USH2A: variants seen among roughly 807,000 people sequenced by gnomAD.
USH2A encodes usherin, also known as Usher syndrome 2A (autosomal recessive, mild).
In USH2A, 443 loss-of-function variants were observed where a neutral mutation model predicts 538.9. The observed-to-expected ratio is 0.82, with a 90% CI of 0.76 to 0.89. USH2A has a LOEUF of 0.89. Among genes scored for constraint, USH2A ranks in the 40% least tolerant of loss-of-function variants. The pLI is 0.00. For missense variants in USH2A, 6,633 were observed against 6,324.8 expected (o/e 1.05, Z -1.65); for synonymous variants, 2,413 against 2,273.5 (o/e 1.06, Z -1.75).
chr1:216,328,449 GT>G (rs2037780346), intron 4 of USH2A, among the ~76,000 whole-genome samples: 1 of 151,916 alleles, frequency 6.6e-6, no homozygotes, highest in African/African-American at 2.4e-5. Context: ...CCGACTCCAA[GT>G]TTTTTGTTAT....
chr1:215,904,236 C>T (rs111811682), intron 38 of USH2A, among the ~76,000 whole-genome samples: 50 of 152,090 alleles, frequency 3.3e-4, no homozygotes, highest in African/African-American at 1.2e-3. Flanking sequence ...CACAAAACCC[C>T]TTATGTGTTA....
chr1:215,736,827 A>T lies in USH2A; in HGVS notation c.11711+4548T>A, dbSNP rs547158132. On this transcript the variant is annotated intron_variant, in intron 60 of 71. Coordinates refer to ENST00000307340, the MANE Select transcript of USH2A (RefSeq NM_206933.4). ...AAAATATTGAGCTGACAGATTTGGA[A>T]GACTGACCCTGTATTAAAAGATTTC... Among the ~76,000 whole-genome samples, 74 of 152,142 alleles carry T rather than the reference A, an allele frequency of 4.9e-4. 1 individual carries two copies. The highest frequency in any genetic ancestry group is 1.2e-3 in the South Asian group (6 of 4,828).
intron 49 of USH2A, among the ~76,000 whole-genome samples, chr1:215,807,167 G>C (rs1183472188): frequency 6.6e-6 from 1 of 152,136 alleles, no homozygotes; most frequent in Non-Finnish European, 1.5e-5. Flanking sequence ...ACAAGCCAAA[G>C]AATGTGAGCA....
intron 38 of USH2A, 107 bp downstream of exon 38, chr1:215,934,508 TC>T (rs1666441498): frequency 3.5e-6 from 4 of 1,156,890 alleles, no homozygotes; most frequent in Non-Finnish European, 4.9e-6. Context: ...CAATTGAGCC[TC>T]TAAGTTCTAA....
Position 215,877,884 on chromosome 1 carries a change from A to C in USH2A, c.8559-4T>G. ...TTTACGTCTCAGAAGCTCATATCTA[A>C]AGCAAAAGACAAGCAGGAACATCAG... On this transcript the variant is annotated splice_polypyrimidine_tract_variant and splice_region_variant and intron_variant, in intron 42 of 71. Transcript: ENST00000307340. 6.2e-7 allele frequency: 1 copy of C among 1,613,604 alleles called. No individual in the cohort carries two copies. Among genetic ancestry groups the C allele is most frequent in the Non-Finnish European group, 8.5e-7 (1 of 1,179,596 alleles).
In USH2A at chr1:215,674,616, C is replaced by A. The variant is rs1434537489; in HGVS notation, c.13295G>T (p.Ser4432Ile). 6.2e-7 allele frequency: 1 copy of A among 1,614,202 alleles called. No individual in the cohort carries two copies. Among genetic ancestry groups the A allele is most frequent in the Non-Finnish European group, 8.5e-7 (1 of 1,180,030 alleles). The change falls in exon 63 of 72, where the codon AGT (serine) becomes ATT (isoleucine). Residue 4432 changes from serine to isoleucine, a missense_variant. Physicochemically the swap from Ser to Ile is moderately radical, Grantham distance 142 (BLOSUM62 -2). Coordinates refer to ENST00000307340, the MANE Select transcript of USH2A (RefSeq NM_206933.4). ...VACTNGGCTA[S>I]VSKSAWTMEA... The stretch of plus-strand genomic sequence containing the variant: ...CATTGTCCAGGCAGATTTTGACACA[C>A]TAGCTGTGCAACCTCCATTCGTGCA...
At chr1:215,785,349 CT>C in intron 52 of USH2A, among the ~76,000 whole-genome samples, 1 of 152,184 alleles carries the variant, frequency 6.6e-6, no homozygotes, top group Non-Finnish European at 1.5e-5. Context: ...TTGGAGCACT[CT>C]GAAAGGAGCT....
At chr1:216,383,213 G>GA (rs1002942241) in intron 3 of USH2A, among the ~76,000 whole-genome samples, 9 of 151,306 alleles carry the variant, frequency 5.9e-5, no homozygotes, top group Non-Finnish European at 1.2e-4. Context: ...AAGGGTATAA[G>GA]AAAAAAAAAT....
At position 215,674,745 on chromosome 1, in the gene USH2A, T is replaced by TAAAGA; in HGVS notation, c.13165_13166insTCTTT (p.Tyr4389PhefsTer4). 6.2e-7 allele frequency: 1 copy of TAAAGA among 1,614,118 alleles called. No homozygotes were observed. The highest frequency in any genetic ancestry group is 1.3e-5 in the African/African-American group (1 of 75,034). ...CTCTTTATTATCATATCTAACTAAA[T>TAAAGA]ATTTAGTAATCTTTCCATTTTGCAC... On this transcript the variant is annotated frameshift_variant, in exon 63 of 72. Transcript: ENST00000307340. LOFTEE classifies it high-confidence loss of function.
intron 22 of USH2A, among the ~76,000 whole-genome samples, chr1:216,093,687 A>T (rs1355327736): frequency 6.6e-6 from 1 of 152,174 alleles, no homozygotes; most frequent in Non-Finnish European, 1.5e-5. Context: ...TTTTGGATTA[A>T]TTCTCCAATG....
At chr1:215,780,795 TGGTG>T in intron 54 of USH2A, among the ~76,000 whole-genome samples, 1 of 152,370 alleles carries the variant, frequency 6.6e-6, no homozygotes, top group South Asian at 2.1e-4. Context: ...TCTATCTAAA[TGGTG>T]GCTCACTCAG....
intron 64 of USH2A, among the ~76,000 whole-genome samples, chr1:215,663,178 A>G (rs1365777112): frequency 6.6e-6 from 1 of 152,196 alleles, no homozygotes. Flanking sequence ...ACTTGTTGAT[A>G]TAGACAAAAG....
At chr1:215,747,036 T>C (rs1465180826) in intron 58 of USH2A, among the ~76,000 whole-genome samples, 1 of 152,158 alleles carries the variant, frequency 6.6e-6, no homozygotes, top group Non-Finnish European at 1.5e-5. Context: ...AATTGTAGAG[T>C]TGAAGACTCT....
At chr1:215,683,560 A>G (rs1235854994) in intron 61 of USH2A, among the ~76,000 whole-genome samples, 1 of 152,060 alleles carries the variant, frequency 6.6e-6, no homozygotes, top group Non-Finnish European at 1.5e-5. Context: ...TAAATTTAGG[A>G]TATTTGCTTG....
chr1:215,933,646 TA>T (rs1383832324), intron 38 of USH2A, among the ~76,000 whole-genome samples: 1 of 151,974 alleles, frequency 6.6e-6, no homozygotes, highest in Non-Finnish European at 1.5e-5. Flanking sequence ...TCTCCAGTGA[TA>T]AAGCACTTTG....
intron 32 of USH2A, among the ~76,000 whole-genome samples, chr1:216,044,659 A>G (rs967517213): frequency 1.3e-5 from 2 of 152,142 alleles, no homozygotes; most frequent in South Asian, 4.1e-4. Context: ...AATGTAATTA[A>G]CACCATTTTA....
chr1:216,208,384 A>T (rs780051635), intron 15 of USH2A, among the ~76,000 whole-genome samples: 72 of 152,106 alleles, frequency 4.7e-4, no homozygotes, highest in Non-Finnish European at 1.5e-4. Flanking sequence ...TTACTTTTAA[A>T]CCATTCATCT....
At chr1:215,906,367 C>T (rs1464520016) in intron 38 of USH2A, among the ~76,000 whole-genome samples, 6 of 151,916 alleles carry the variant, frequency 3.9e-5, no homozygotes, top group Non-Finnish European at 7.4e-5. Flanking sequence ...GTAGGATATA[C>T]GGAATAAGGT....
chr1:215,973,731 C>G (rs1388935151), intron 35 of USH2A, among the ~76,000 whole-genome samples: 1 of 147,602 alleles, frequency 6.8e-6, no homozygotes, highest in Non-Finnish European at 1.5e-5. Flanking sequence ...AGCTAGATAA[C>G]CTTGACATCT....
Sources: allele counts gnomAD v4.1 joint callset (sites outside exome capture counted in the v4.1 genomes callset), GRCh38; gene constraint gnomAD v4.1.1; transcripts MANE v1.5; gene names NCBI Gene and HGNC (gene_info 2026-07-23, HGNC 2026-07-21).